The following CORO7 variants were observed in gnomAD, a reference collection of about 807,000 sequenced individuals.
CORO7 encodes coronin 7.
In CORO7, 107 loss-of-function variants were observed where a neutral mutation model predicts 126.6. The observed-to-expected ratio is 0.85, with a 90% CI of 0.72 to 0.99. The LOEUF is 0.99. CORO7 is among the 50% of genes least tolerant of loss of function. The pLI is 0.00. For missense variants in CORO7, 1,314 were observed against 1,255.8 expected (o/e 1.05, Z -0.70); for synonymous variants, 603 against 536.8 (o/e 1.12, Z -1.70).
chr16:4,413,192 A>G, intron 2 of CORO7, 116 bp downstream of exon 2: 1 of 1,105,844 alleles, frequency 9.0e-7, no homozygotes, highest in Non-Finnish European at 1.3e-6. Context: ...GAGCCCCCCA[A>G]AGCAGTTCCG....
At chr16:4,404,558 A>ACCG (rs2055925998) in intron 6 of CORO7, among the ~76,000 whole-genome samples, 1 of 152,166 alleles carries the variant, frequency 6.6e-6, no homozygotes, top group African/African-American at 2.4e-5. Flanking sequence ...ACCTCCAGGT[A>ACCG]CCGCCGGCAG....
At chr16:4,373,145 G>A (rs1479696764) in intron 9 of CORO7, among the ~76,000 whole-genome samples, 1 of 152,152 alleles carries the variant, frequency 6.6e-6, no homozygotes, top group African/African-American at 2.4e-5. Flanking sequence ...GCAGGCGGGT[G>A]GGGGATGGGG....
At chr16:4,413,054 C>T in intron 2 of CORO7, 1 of 419,428 alleles carries the variant, frequency 2.4e-6, no homozygotes, top group Non-Finnish European at 4.2e-6. Flanking sequence ...GCGTCAGTCC[C>T]CTCCCAGCCC....
chr16:4,372,790 A>T (rs1273929329), intron 9 of CORO7, among the ~76,000 whole-genome samples: 1 of 152,142 alleles, frequency 6.6e-6, no homozygotes, highest in Non-Finnish European at 1.5e-5. Context: ...CACCAGGGTC[A>T]CTGACCGCCT....
chr16:4,395,419 C>T (rs957122396), intron 6 of CORO7, 80 bp from the exon 7 acceptor site: 1 of 1,587,764 alleles, frequency 6.3e-7, no homozygotes, highest in African/African-American at 1.3e-5. Flanking sequence ...CCTCACCTCC[C>T]AACCCCCAGC....
In CORO7 at chr16:4,405,617, A is replaced by C; in HGVS notation, c.488-50T>G. ...GTCCCGGGCAGTGAGGGCACCAGGGAAGTGGGTGGGGGCGGGCCTTGCTGG... is the reference window on the plus strand; with the variant it reads ...GTCCCGGGCAGTGAGGGCACCAGGGCAGTGGGTGGGGGCGGGCCTTGCTGG... On this transcript the variant is annotated intron_variant, in intron 5 of 27. Transcript: ENST00000251166. 6 of 1,594,950 alleles carry C rather than the reference A, an allele frequency of 3.8e-6. No individual in the cohort carries two copies. The South Asian group carries it at 6.7e-5, about 18-fold the overall frequency.
chr16:4,386,157 G>A (rs2055186552), intron 9 of CORO7, among the ~76,000 whole-genome samples: 1 of 152,194 alleles, frequency 6.6e-6, no homozygotes, highest in South Asian at 2.1e-4. Context: ...AGGGCTCGGG[G>A]GCAGAGGGGA....
At chr16:4,415,596 G>C (rs1757647681) in intron 1 of CORO7, 1 of 390,846 alleles carries the variant, frequency 2.6e-6, no homozygotes, top group Admixed American at 6.4e-5. Flanking sequence ...AGGAAATATA[G>C]TCCACACTAC....
Position 4,407,485 on chromosome 16 carries a change from C to A in CORO7, c.487+16G>T. ...GTGGGGCTGCCCTGGGAAGGGCAGG[C>A]CAGGGTGGCCTGTACCTGTCAGGGG... On this transcript the variant is annotated intron_variant, in intron 5 of 27. Transcript: ENST00000251166. 6.4e-7 allele frequency: 1 copy of A among 1,559,256 alleles called. No individual in the cohort carries two copies. Among genetic ancestry groups the A allele is most frequent in the Non-Finnish European group, 8.7e-7 (1 of 1,151,640 alleles).
intron 9 of CORO7, chr16:4,381,200 CA>C: frequency 6.2e-7 from 1 of 1,612,198 alleles, no homozygotes; most frequent in Non-Finnish European, 8.5e-7. Context: ...CTGGACCTGA[CA>C]GCCAACAGGC....
chr16:4,393,001 A>C (rs1420877565), intron 7 of CORO7, among the ~76,000 whole-genome samples: 4 of 152,224 alleles, frequency 2.6e-5, no homozygotes, highest in African/African-American at 9.6e-5. Flanking sequence ...CTTGGATAGC[A>C]GCCACTCTAT....
At chr16:4,398,706 A>G (rs964158730) in intron 6 of CORO7, among the ~76,000 whole-genome samples, 4 of 151,696 alleles carry the variant, frequency 2.6e-5, no homozygotes, top group Non-Finnish European at 5.9e-5. Context: ...GTGGTGGCTC[A>G]CACCTGTAAT....
At chr16:4,363,351 G>T (rs2054244795) in intron 14 of CORO7, 1 of 152,062 alleles carries the variant, frequency 6.6e-6, no homozygotes, top group Non-Finnish European at 1.5e-5. Flanking sequence ...TGGATCATGA[G>T]GTTAGGAGTT....
chr16:4,380,885 C>T, intron 9 of CORO7: 1 of 1,532,948 alleles, frequency 6.5e-7, no homozygotes, highest in Non-Finnish European at 8.7e-7. Context: ...AAGATGTGCT[C>T]CAGGGTCCCT....
chr16:4,380,007 G>T (rs1177528299), intron 9 of CORO7, among the ~76,000 whole-genome samples: 1 of 149,868 alleles, frequency 6.7e-6, no homozygotes, highest in Non-Finnish European at 1.5e-5. Flanking sequence ...GCAGTGAGCC[G>T]AGATCTCGCC....
chr16:4,413,912 G>A (rs1169388953), intron 1 of CORO7, among the ~76,000 whole-genome samples: 1 of 151,778 alleles, frequency 6.6e-6, no homozygotes, highest in Non-Finnish European at 1.5e-5. Context: ...TGGGCCAGGT[G>A]CGGTGGTTCA....
intron 7 of CORO7, among the ~76,000 whole-genome samples, chr16:4,394,621 G>C (rs866994156): frequency 1.4e-4 from 22 of 152,228 alleles, no homozygotes; most frequent in African/African-American, 4.8e-4. Context: ...CAGTTACTCA[G>C]GGAAGCACTA....
rs746792747 is a variant in CORO7, at chr16:4,381,604, C to T, written c.785+6382G>A. The T allele has an allele frequency of 1.3e-5, 21 of 1,599,170 alleles. 1 individual carries two copies. The highest frequency in any genetic ancestry group is 1.7e-4 in the Middle Eastern group (1 of 6,026). On this transcript the variant is annotated intron_variant, in intron 9 of 27. Transcript: ENST00000251166. The stretch of plus-strand genomic sequence containing the variant: ...GATCCGAGGCCTCCGGGGCCTGACG[C>T]GCCTGCGGCTGGCCGGCAACACCCG...
At chr16:4,388,690 C>T in intron 7 of CORO7, 59 bp from the exon 8 acceptor site, 1 of 1,545,932 alleles carries the variant, frequency 6.5e-7, no homozygotes, top group Non-Finnish European at 8.8e-7. Flanking sequence ...GCGGGGCCCC[C>T]TGGAATGGGC....
Sources: allele counts gnomAD v4.1 joint callset (sites outside exome capture counted in the v4.1 genomes callset), GRCh38; gene constraint gnomAD v4.1.1; transcripts MANE v1.5; gene names NCBI Gene and HGNC (gene_info 2026-07-23, HGNC 2026-07-21).